The following ITGA3 variants were observed in gnomAD, a reference collection of about 807,000 sequenced individuals.
ITGA3 encodes integrin subunit alpha 3.
Under a neutral mutation model 131.1 loss-of-function variants are expected in ITGA3, and 70 were observed. The ratio of observed to expected loss-of-function variants is 0.53; its 90% confidence interval spans 0.44 to 0.65. ITGA3 has a LOEUF of 0.65. ITGA3 is among the 30% of genes least tolerant of loss of function. ITGA3 has a pLI of 0.00. For synonymous variants in ITGA3, 537 were observed against 571.6 expected, an observed-to-expected ratio of 0.94 and a Z score of 0.86; for missense variants, 1,098 against 1,388.6, an observed-to-expected ratio of 0.79 and a Z score of 3.33.
chr17:50,077,257 G>A lies in ITGA3; in HGVS notation c.2071-122G>A, dbSNP rs113665307. The A allele has an allele frequency of 8.4e-5, 109 of 1,295,064 alleles. No individual in the cohort carries two copies. In the African/African-American group the frequency reaches 1.4e-3, roughly 16 times the overall value. The allele number at this position is 1,295,064 out of a possible 1,614,324, so 80.2% of individuals were successfully genotyped here. On this transcript the variant is annotated intron_variant, in intron 15 of 25. Transcript: ENST00000320031. ...GGTCTGGGCCTTCTTGGGGGCCTTAGCGTCTCTGCTGCTTGGAGAATCCGG... is the reference window on the plus strand; with the variant it reads ...GGTCTGGGCCTTCTTGGGGGCCTTAACGTCTCTGCTGCTTGGAGAATCCGG...
At chr17:50,076,879 T>A in intron 14 of ITGA3, 95 bp from the exon 15 acceptor site, 1 of 1,434,426 alleles carries the variant, frequency 7.0e-7, no homozygotes, top group East Asian at 2.3e-5. Context: ...AAGATGGGCT[T>A]TTCTCACCTA....
chr17:50,082,608 G>A (rs994712722), intron 23 of ITGA3, among the ~76,000 whole-genome samples: 2 of 152,060 alleles, frequency 1.3e-5, no homozygotes, highest in Non-Finnish European at 2.9e-5. Flanking sequence ...TACCACACCT[G>A]GCCCAAAAAG....
chr17:50,086,358 C>T (rs1778147176), intron 23 of ITGA3: 1 of 147,680 alleles, frequency 6.8e-6, no homozygotes, highest in Non-Finnish European at 1.5e-5. Context: ...AAAAAATCAT[C>T]AAAATAATTT....
intron 4 of ITGA3, among the ~76,000 whole-genome samples, chr17:50,068,997 G>C (rs1230178409): frequency 6.6e-6 from 1 of 151,648 alleles, no homozygotes; most frequent in African/African-American, 2.4e-5. Context: ...ACAGGTGCCC[G>C]CCACCATGCC....
chr17:50,088,209 C>A lies in ITGA3; in HGVS notation c.3046-16C>A. ...CGCCCCCCTGATGGCCCGTCCCCAC[C>A]TCCTCCCCTCCGCAGTGCGGCTTCT... On this transcript the variant is annotated splice_polypyrimidine_tract_variant and intron_variant, in intron 24 of 25. Coordinates refer to ENST00000320031, the MANE Select transcript of ITGA3 (RefSeq NM_002204.4). 2 of 1,550,904 alleles carry A rather than the reference C, an allele frequency of 1.3e-6. No homozygotes were observed. Among genetic ancestry groups the A allele is most frequent in the East Asian group, 2.4e-5 (1 of 41,232 alleles).
intron 1 of ITGA3, among the ~76,000 whole-genome samples, chr17:50,061,512 G>C (rs1908075198): frequency 6.9e-6 from 1 of 145,668 alleles, no homozygotes; most frequent in Non-Finnish European, 1.5e-5. Flanking sequence ...CTCCCACTGA[G>C]GCCCGGACCC....
rs113441627 is a variant in ITGA3 at position 50,080,463 on chromosome 17, G to GGTGTGTGTGTGTGTGT, written c.2820+116_2820+131dup. 15 of 506,300 alleles carry GGTGTGTGTGTGTGTGT rather than the reference G, an allele frequency of 3.0e-5. No individual in the cohort carries two copies. In the African/African-American group the frequency reaches 3.2e-4, roughly 11 times the overall value. 31.4% of individuals were successfully genotyped at this position (506,300 alleles called of 1,614,324 possible). On this transcript the variant is annotated intron_variant, in intron 22 of 25. Coordinates refer to ENST00000320031, the MANE Select transcript of ITGA3 (RefSeq NM_002204.4). ...AGGGCGAGTCCAGGGTCATAGCATG[G>GGTGTGTGTGTGTGTGT]GTGTGTGTGTGTGTGTGTGTGTGTG...
chr17:50,087,743 G>A lies in ITGA3; in HGVS notation c.2920-1G>A. On this transcript the variant is annotated splice_acceptor_variant, in intron 23 of 25. Transcript: ENST00000320031. LOFTEE classifies it high-confidence loss of function. ...GCTGAGTCCTCCTCTCCCCGCTCCAGTTCTCTGTGGACATTGACTCGGAGC... is the reference window on the plus strand; with the variant it reads ...GCTGAGTCCTCCTCTCCCCGCTCCAATTCTCTGTGGACATTGACTCGGAGC... 6.2e-7 allele frequency: 1 copy of A among 1,612,746 alleles called. No homozygotes were observed. The highest frequency in any genetic ancestry group is 8.5e-7 in the Non-Finnish European group (1 of 1,179,544).
At chr17:50,071,624 T>C in intron 6 of ITGA3, 106 bp downstream of exon 6, 2 of 1,092,352 alleles carry the variant, frequency 1.8e-6, no homozygotes, top group Admixed American at 2.3e-5. Flanking sequence ...TGCGGCTGTC[T>C]GCATGTTGTT....
At chr17:50,087,915 C>CT (rs755339359) in intron 24 of ITGA3, 46 bp downstream of exon 24, 1 of 1,505,768 alleles carries the variant, frequency 6.6e-7, no homozygotes, top group African/African-American at 1.4e-5. Flanking sequence ...CACCAGCACA[C>CT]TCACCAGCCC....
In ITGA3 at chr17:50,056,281, T is replaced by C. The variant is rs1907799500; in HGVS notation, c.-159T>C. On this transcript the variant is annotated 5_prime_UTR_variant, in exon 1 of 26. Transcript: ENST00000320031. The surrounding 1 kb of genome is among the most constrained non-coding windows in gnomAD (Gnocchi z 5.6). The stretch of plus-strand genomic sequence containing the variant: ...GGATCCGAGAGCGCAGCTGTGAAAC[T>C]GGCTGGGGCTGGGGGCACGAAACCG... 2 of 503,388 alleles carry C rather than the reference T, an allele frequency of 4.0e-6. No individual in the cohort carries two copies. The highest frequency in any genetic ancestry group is 6.8e-6 in the Non-Finnish European group (2 of 293,052). 31.2% of individuals were successfully genotyped at this position (503,388 alleles called of 1,614,324 possible).
rs1177520272 is a variant in ITGA3, at chr17:50,056,486, T to G, written c.47T>G (p.Leu16Arg). The G allele has an allele frequency of 1.9e-6, 3 of 1,549,326 alleles. No homozygotes were observed. In the Admixed American group the frequency reaches 5.9e-5, roughly 30 times the overall value. ...GCGCCCCGCGCCCCACGCCTGATGC[T>G]CTGTGCGCTCGCCTTGATGGTGGCG... ...SRAPRAPRLM[L>R]CALALMVAAG... Residue 16 changes from leucine to arginine, a missense_variant, in exon 1 of 26, where the codon CTC becomes CGC. Leu to Arg is a moderately radical substitution (Grantham distance 102, BLOSUM62 -2). Transcript: ENST00000320031. This position sits in a 1 kb window ranked among gnomAD's most constrained non-coding sequence, Gnocchi z 5.6.
chr17:50,069,645 A>C (rs1171900287), intron 4 of ITGA3, among the ~76,000 whole-genome samples: 2 of 152,216 alleles, frequency 1.3e-5, no homozygotes, highest in African/African-American at 2.4e-5. Flanking sequence ...CAGCCTGAGC[A>C]GCAGAGCAAG....
intron 23 of ITGA3, among the ~76,000 whole-genome samples, chr17:50,082,452 C>T (rs981276814): frequency 6.6e-6 from 1 of 152,144 alleles, no homozygotes; most frequent in African/African-American, 2.4e-5. Context: ...GCTGGGATTA[C>T]AGGCATGAGC....
At chr17:50,059,134 C>G (rs1428483279) in intron 1 of ITGA3, among the ~76,000 whole-genome samples, 1 of 152,208 alleles carries the variant, frequency 6.6e-6, no homozygotes, top group Non-Finnish European at 1.5e-5. Context: ...TAGCCCCAAC[C>G]CAGGGCCCAG....
chr17:50,060,455 T>C (rs1173914491), intron 1 of ITGA3, among the ~76,000 whole-genome samples: 1 of 152,238 alleles, frequency 6.6e-6, no homozygotes, highest in Non-Finnish European at 1.5e-5. Flanking sequence ...ATTCTTCTGC[T>C]TTCTCCTTGG....
intron 1 of ITGA3, among the ~76,000 whole-genome samples, chr17:50,061,498 C>T (rs556678293): frequency 6.6e-6 from 1 of 151,152 alleles, no homozygotes; most frequent in South Asian, 2.1e-4. Context: ...GCCCAAGGCC[C>T]GGCCTCCCAC....
In ITGA3 at chr17:50,056,456, G is replaced by A; in HGVS notation, c.17G>A (p.Ser6Asn). The change falls in exon 1 of 26, where the codon AGC (serine) becomes AAC (asparagine). Residue 6 changes from serine (S) to asparagine (N), a missense_variant. Physicochemically the swap from Ser to Asn is conservative, Grantham distance 46. This residue lies in a region of ITGA3 where 43 missense variants were observed against 30.3 expected (regional missense o/e 1.42). Coordinates refer to ENST00000320031, the MANE Select transcript of ITGA3 (RefSeq NM_002204.4). The surrounding 1 kb of genome is among the most constrained non-coding windows in gnomAD (Gnocchi z 5.6). ...CTGGCAGCCATGGGCCCCGGCCCCA[G>A]CCGCGCGCCCCGCGCCCCACGCCTG... MGPGP[S>N]RAPRAPRLML... is the part of the protein sequence containing the mutation. 6.5e-7 allele frequency: 1 copy of A among 1,535,102 alleles called. No homozygotes were observed. The highest frequency in any genetic ancestry group is 8.8e-7 in the Non-Finnish European group (1 of 1,140,826).
intron 1 of ITGA3, among the ~76,000 whole-genome samples, chr17:50,061,927 C>T (rs1331296848): frequency 6.6e-6 from 1 of 151,272 alleles, no homozygotes; most frequent in East Asian, 1.9e-4. Flanking sequence ...GTAATCCCAG[C>T]TACTTGGGAG....
Sources: gnomAD v4.1 joint callset for allele counts (sites outside exome capture counted in the v4.1 genomes callset) on GRCh38, gnomAD v4.1.1 for gene constraint, gnomAD v4.1.1 regional missense constraint, Gnocchi (gnomAD v3.1) non-coding constraint, MANE v1.5 for transcripts, NCBI Gene and HGNC (gene_info 2026-07-23, HGNC 2026-07-21) for gene names.